Variants in HCN1 observed in about 807,000 individuals in gnomAD.
HCN1 encodes hyperpolarization activated cyclic nucleotide gated potassium channel 1.
HCN1 carries 13 observed loss-of-function variants against 78.9 expected under a neutral mutation model. The observed-to-expected ratio is 0.16, with a 90% CI of 0.11 to 0.26. The LOEUF is 0.26. Among genes scored for constraint, HCN1 ranks in the 10% least tolerant of loss-of-function variants. The pLI is 1.00. For missense variants in HCN1, 810 were observed against 1,154.3 expected, an observed-to-expected ratio of 0.70 and a Z score of 4.32; for synonymous variants, 552 against 455.5, an observed-to-expected ratio of 1.21 and a Z score of -2.70.
chr5:45,398,351 T>C (rs1037919185), intron 3 of HCN1, among the ~76,000 whole-genome samples: 1 of 152,128 alleles, frequency 6.6e-6, no homozygotes, highest in Admixed American at 6.6e-5. Context: ...CTGCAAACTA[T>C]AGAATAGTTT....
chr5:45,374,063 A>ATT (rs1260077745), intron 4 of HCN1, among the ~76,000 whole-genome samples: 4 of 106,996 alleles, frequency 3.7e-5, no homozygotes, highest in African/African-American at 1.5e-4. Context: ...TATTATATAT[A>ATT]TAATATATAT....
chr5:45,477,056 C>G (rs988577907), intron 2 of HCN1, among the ~76,000 whole-genome samples: 16 of 152,058 alleles, frequency 1.1e-4, no homozygotes, highest in Non-Finnish European at 1.2e-4. Flanking sequence ...ACAATTACAT[C>G]AGGACATAAT....
At chr5:45,498,782 T>C (rs936830838) in intron 2 of HCN1, among the ~76,000 whole-genome samples, 17 of 152,268 alleles carry the variant, frequency 1.1e-4, no homozygotes, top group South Asian at 6.2e-4. Context: ...CCTTTGTGTT[T>C]GTTAGTTTTC....
At chr5:45,269,217 G>T (rs758168588) in intron 6 of HCN1, among the ~76,000 whole-genome samples, 17 of 152,198 alleles carry the variant, frequency 1.1e-4, no homozygotes, top group Non-Finnish European at 2.2e-4. Flanking sequence ...TCTAAAACCT[G>T]ATTTGTGGTG....
At chr5:45,409,365 T>C (rs1402113345) in intron 3 of HCN1, among the ~76,000 whole-genome samples, 1 of 152,056 alleles carries the variant, frequency 6.6e-6, no homozygotes, top group Non-Finnish European at 1.5e-5. Flanking sequence ...TAAAATCTAA[T>C]GCTTAGAGAT....
At chr5:45,637,370 T>C (rs1468479688) in intron 2 of HCN1, among the ~76,000 whole-genome samples, 2 of 152,078 alleles carry the variant, frequency 1.3e-5, no homozygotes. Flanking sequence ...TCCTGCTGAA[T>C]TGAAATTCCA....
intron 4 of HCN1, among the ~76,000 whole-genome samples, chr5:45,387,390 A>G (rs1182996117): frequency 6.6e-6 from 1 of 152,140 alleles, no homozygotes; most frequent in Admixed American, 6.6e-5. Flanking sequence ...CACGTTAGTG[A>G]TTCACAATAA....
chr5:45,324,073 C>A (rs1279437790), intron 5 of HCN1, among the ~76,000 whole-genome samples: 1 of 143,132 alleles, frequency 7.0e-6, no homozygotes, highest in Non-Finnish European at 1.5e-5. Flanking sequence ...TGGGTATATA[C>A]CCAGTAATGG....
chr5:45,266,705 T>C (rs79174895), intron 7 of HCN1, among the ~76,000 whole-genome samples: 37,068 of 134,782 alleles, frequency 0.28, 5,334 homozygotes, highest in African/African-American at 0.46. Context: ...GCATGTGGGA[T>C]TTTTTTTTTT....
chr5:45,643,708 T>C (rs1032119225), intron 2 of HCN1: 13 of 152,090 alleles, frequency 8.5e-5, no homozygotes, highest in Non-Finnish European at 1.8e-4. Flanking sequence ...ATGACAATAA[T>C]TATATTTACA....
intron 6 of HCN1, among the ~76,000 whole-genome samples, chr5:45,275,300 C>T (rs1437697901): frequency 6.6e-6 from 1 of 150,622 alleles, no homozygotes; most frequent in Non-Finnish European, 1.5e-5. Flanking sequence ...AAATGGCTTA[C>T]ATCAGATTAA....
intron 4 of HCN1, among the ~76,000 whole-genome samples, chr5:45,383,987 A>G (rs1190151802): frequency 6.6e-6 from 1 of 152,142 alleles, no homozygotes; most frequent in African/African-American, 2.4e-5. Context: ...AAAACTCCTG[A>G]AATTGATTAT....
chr5:45,283,488 AACAG>A (rs1745208636), intron 6 of HCN1, among the ~76,000 whole-genome samples: 1 of 152,184 alleles, frequency 6.6e-6, no homozygotes, highest in Admixed American at 6.6e-5. Context: ...AAAGGACATG[AACAG>A]ACACTTTTCC....
rs114634363 is a variant in HCN1 at position 45,491,345 on chromosome 5, T to C, written c.850-29338A>G. On this transcript the variant is annotated intron_variant, in intron 2 of 7. Transcript: ENST00000303230. ...TTAAAGTCTCACAATGTTTCTACAA[T>C]TGGTGTCCATACTCCAACAAACACA... is the stretch of plus-strand genomic sequence containing the variant. Among the ~76,000 whole-genome samples the C allele has an allele frequency of 1.2e-3, 186 of 152,238 alleles. 1 individual carries two copies. The highest frequency in any genetic ancestry group is 4.3e-3 in the African/African-American group (180 of 41,540).
intron 4 of HCN1, among the ~76,000 whole-genome samples, chr5:45,365,410 T>C (rs959872381): frequency 3.9e-5 from 6 of 152,034 alleles, no homozygotes; most frequent in African/African-American, 1.2e-4. Flanking sequence ...TATGTACCCA[T>C]TGTTTTGCTC....
At chr5:45,425,998 T>A (rs1381698350) in intron 3 of HCN1, among the ~76,000 whole-genome samples, 1 of 152,144 alleles carries the variant, frequency 6.6e-6, no homozygotes, top group Non-Finnish European at 1.5e-5. Flanking sequence ...TGTAATTCTG[T>A]GGGAATGAGA....
At chr5:45,601,010 G>C (rs1333747552) in intron 2 of HCN1, among the ~76,000 whole-genome samples, 1 of 152,078 alleles carries the variant, frequency 6.6e-6, no homozygotes, top group Non-Finnish European at 1.5e-5. Context: ...AAAGGATATG[G>C]GAGATTGAGT....
chr5:45,658,524 G>T (rs1345484262), intron 1 of HCN1, among the ~76,000 whole-genome samples: 1 of 152,158 alleles, frequency 6.6e-6, no homozygotes, highest in Non-Finnish European at 1.5e-5. Context: ...GGTGATTTCT[G>T]CATTTCCATC....
At chr5:45,656,403 A>G (rs1478097103) in intron 1 of HCN1, among the ~76,000 whole-genome samples, 1 of 152,202 alleles carries the variant, frequency 6.6e-6, no homozygotes, top group Non-Finnish European at 1.5e-5. Context: ...TATAAAGGGC[A>G]GTCCTAAAAG....
Sources: gnomAD v4.1 joint callset for allele counts (sites outside exome capture counted in the v4.1 genomes callset) on GRCh38, gnomAD v4.1.1 for gene constraint, MANE v1.5 for transcripts, NCBI Gene and HGNC (gene_info 2026-07-23, HGNC 2026-07-21) for gene names.